The following SMYD3 variants were observed in gnomAD, a reference collection of about 807,000 sequenced individuals.
SMYD3 encodes the protein histone-lysine N-methyltransferase SMYD3.
SMYD3 carries 36 observed loss-of-function variants against 57.7 expected under a neutral mutation model. The ratio of observed to expected loss-of-function variants is 0.62; its 90% confidence interval spans 0.48 to 0.82. The LOEUF is 0.82. SMYD3 is among the 40% of genes least tolerant of loss of function. The pLI, the probability that SMYD3 is intolerant of heterozygous loss-of-function variation, is 0.00. For synonymous variants in SMYD3, 211 were observed against 195.0 expected (o/e 1.08, Z -0.68); for missense variants, 515 against 538.8 (o/e 0.96, Z 0.44).
chr1:246,192,905 C>CAAAAAA (rs1402101192), intron 5 of SMYD3, among the ~76,000 whole-genome samples: 13 of 121,356 alleles, frequency 1.1e-4, no homozygotes, highest in African/African-American at 4.0e-4. Flanking sequence ...AAGGTAAAGT[C>CAAAAAA]AAAAAAAAAA....
At chr1:246,283,862 G>C (rs575655497) in intron 5 of SMYD3, among the ~76,000 whole-genome samples, 2 of 152,234 alleles carry the variant, frequency 1.3e-5, no homozygotes, top group East Asian at 3.9e-4. Context: ...CATGACAACT[G>C]TGAGTTACAC....
intron 1 of SMYD3, among the ~76,000 whole-genome samples, chr1:246,504,130 C>T (rs1397381254): frequency 6.6e-6 from 1 of 152,110 alleles, no homozygotes; most frequent in Non-Finnish European, 1.5e-5. Flanking sequence ...CACCTTTCTC[C>T]ATTAACAAAA....
intron 10 of SMYD3, among the ~76,000 whole-genome samples, chr1:245,824,279 T>C (rs1167562335): frequency 6.6e-6 from 1 of 152,250 alleles, no homozygotes; most frequent in Non-Finnish European, 1.5e-5. Flanking sequence ...AAGGAAGAGA[T>C]GCTTTGTAGC....
intron 10 of SMYD3, among the ~76,000 whole-genome samples, chr1:245,775,629 T>C (rs893768167): frequency 6.6e-6 from 1 of 151,372 alleles, no homozygotes; most frequent in African/African-American, 2.4e-5. Flanking sequence ...TTCACCTGTT[T>C]ATCTGCCGAC....
intron 10 of SMYD3, among the ~76,000 whole-genome samples, chr1:245,823,440 C>T (rs1440932918): frequency 2.0e-5 from 3 of 152,198 alleles, no homozygotes; most frequent in Non-Finnish European, 4.4e-5. Flanking sequence ...GAAAGAAGGG[C>T]ACATCCTCCT....
In SMYD3 at chr1:246,474,245, C is replaced by T. The variant is rs113718246; in HGVS notation, c.164+32809G>A. The stretch of plus-strand genomic sequence containing the variant: ...TATAGAAATTTAGAAGTGGGCCGGG[C>T]GCGGTGGCTCATGCCTTTAATGCAA... On this transcript the variant is annotated intron_variant, in intron 1 of 11. Coordinates refer to ENST00000490107, the MANE Select transcript of SMYD3 (RefSeq NM_001167740.2). Among the ~76,000 whole-genome samples the T allele has an allele frequency of 6.2e-3, 950 of 152,202 alleles. 8 individuals are homozygous for T. The highest frequency in any genetic ancestry group is 0.022 in the African/African-American group (902 of 41,532).
At chr1:246,084,195 C>CTTTTTTTTTT (rs772938424) in intron 5 of SMYD3, among the ~76,000 whole-genome samples, 4 of 135,462 alleles carry the variant, frequency 3.0e-5, no homozygotes, top group Non-Finnish European at 1.6e-5. Context: ...CTGACAATTC[C>CTTTTTTTTTT]TTTTTTTTTT....
intron 2 of SMYD3, among the ~76,000 whole-genome samples, chr1:246,343,262 G>A (rs1236695735): frequency 6.6e-6 from 1 of 152,192 alleles, no homozygotes; most frequent in African/African-American, 2.4e-5. Flanking sequence ...TTTGGAAAAA[G>A]CATCTATCCT....
intron 5 of SMYD3, among the ~76,000 whole-genome samples, chr1:246,100,397 T>A (rs551925025): frequency 6.6e-6 from 1 of 152,244 alleles, no homozygotes; most frequent in East Asian, 1.9e-4. Context: ...ATGGCCCCAC[T>A]CAGGAGTCAC....
chr1:246,095,820 G>C (rs191071905), intron 5 of SMYD3, among the ~76,000 whole-genome samples: 1 of 152,254 alleles, frequency 6.6e-6, no homozygotes, highest in African/African-American at 2.4e-5. Flanking sequence ...AGGCTGCAGG[G>C]ATCCGTGATT....
At chr1:245,871,189 A>G (rs10924370) in intron 8 of SMYD3, among the ~76,000 whole-genome samples, 90,529 of 152,174 alleles carry the variant, frequency 0.59, 29,595 homozygotes, top group Non-Finnish European at 0.75. Context: ...TCTGCACTCA[A>G]GAGAGAGATT....
intron 8 of SMYD3, among the ~76,000 whole-genome samples, chr1:245,871,845 G>T (rs190521843): frequency 1.3e-5 from 2 of 152,282 alleles, no homozygotes; most frequent in Non-Finnish European, 2.9e-5. Context: ...CTACAGGGCG[G>T]GGACCAACAG....
chr1:245,981,668 A>AT (rs1435760858), intron 5 of SMYD3, among the ~76,000 whole-genome samples: 2 of 152,234 alleles, frequency 1.3e-5, no homozygotes, highest in Non-Finnish European at 2.9e-5. Flanking sequence ...CTGCCATAAC[A>AT]AAAGCAAAGA....
chr1:246,490,308 C>G (rs929741471), intron 1 of SMYD3, among the ~76,000 whole-genome samples: 3 of 152,146 alleles, frequency 2.0e-5, no homozygotes, highest in African/African-American at 7.2e-5. Context: ...TAATAATAAT[C>G]AAGAGAAGGA....
At chr1:245,855,641 G>C (rs568349821) in intron 10 of SMYD3, among the ~76,000 whole-genome samples, 2 of 152,264 alleles carry the variant, frequency 1.3e-5, no homozygotes, top group South Asian at 4.1e-4. Context: ...TATACATTTT[G>C]TTGTATGTGA....
At chr1:246,440,318 T>C (rs2067442953) in intron 1 of SMYD3, among the ~76,000 whole-genome samples, 1 of 152,132 alleles carries the variant, frequency 6.6e-6, no homozygotes, top group African/African-American at 2.4e-5. Context: ...AAAATTAACA[T>C]TAGCAAAAGA....
chr1:246,204,198 G>T (rs1156367954), intron 5 of SMYD3, among the ~76,000 whole-genome samples: 1 of 152,108 alleles, frequency 6.6e-6, no homozygotes, highest in African/African-American at 2.4e-5. Flanking sequence ...AATAAAATAG[G>T]TTTATAATCT....
At chr1:246,043,853 C>T (rs1468106291) in intron 5 of SMYD3, among the ~76,000 whole-genome samples, 1 of 152,140 alleles carries the variant, frequency 6.6e-6, no homozygotes, top group Non-Finnish European at 1.5e-5. Context: ...TAGAGCCCTG[C>T]CAGAGGAGAA....
intron 5 of SMYD3, among the ~76,000 whole-genome samples, chr1:246,004,341 G>A (rs1002010673): frequency 1.3e-5 from 2 of 152,188 alleles, no homozygotes; most frequent in Non-Finnish European, 1.5e-5. Flanking sequence ...GTTTTCACTT[G>A]AAAGTCAACC....
Sources: allele counts gnomAD v4.1 joint callset (sites outside exome capture counted in the v4.1 genomes callset), GRCh38; gene constraint gnomAD v4.1.1; transcripts MANE v1.5; gene names NCBI Gene and HGNC (gene_info 2026-07-23, HGNC 2026-07-21).